The following TBC1D19 variants were observed in gnomAD, a reference collection of about 807,000 sequenced individuals.
TBC1D19 encodes the protein TBC1 domain family member 19.
In TBC1D19, 60 loss-of-function variants were observed where a neutral mutation model predicts 89.0. The observed-to-expected ratio is 0.67, with a 90% confidence interval of 0.55 to 0.84. The LOEUF (loss-of-function observed/expected upper bound fraction) is 0.84, where lower values mean the gene tolerates loss of function less well. Ranked by LOEUF, TBC1D19 falls within the 40% of genes least tolerant of loss-of-function variation. TBC1D19 has a pLI of 0.00. For missense variants in TBC1D19, 500 were observed against 610.8 expected, an observed-to-expected ratio of 0.82 and a Z score of 1.91; for synonymous variants, 189 against 199.7, an observed-to-expected ratio of 0.95 and a Z score of 0.45.
chr4:26,610,930 G>A lies in TBC1D19; in HGVS notation c.100-2239G>A, dbSNP rs1432157193. Among the ~76,000 whole-genome samples, 6 of 152,104 alleles carry A rather than the reference G, an allele frequency of 3.9e-5. No individual in the cohort carries two copies. The East Asian group carries it at 5.8e-4, about 15-fold the overall frequency. On this transcript the variant is annotated intron_variant, in intron 1 of 20. Transcript: ENST00000264866. Reference sequence around the variant, plus strand: ...ACATAGGCATGCGTATGTCTTTACGGTAGAATGATTTATATTCCTTTGGAT... The same window carrying A: ...ACATAGGCATGCGTATGTCTTTACGATAGAATGATTTATATTCCTTTGGAT...
chr4:26,786,802 T>G, the TBC1D19 span, among the ~76,000 whole-genome samples: 1 of 151,122 alleles, frequency 6.6e-6, no homozygotes, highest in East Asian at 2.0e-4. Context: ...GATGGGTGGG[T>G]GGAAGGATGG....
the TBC1D19 span, among the ~76,000 whole-genome samples, chr4:26,840,551 T>A: frequency 1.3e-5 from 2 of 152,174 alleles, no homozygotes; most frequent in Non-Finnish European, 2.9e-5. Context: ...ATTTTTCTGC[T>A]GTTCCCCTGG....
Position 26,688,275 on chromosome 4 carries a change from A to G in TBC1D19, c.892-70A>G, listed in dbSNP as rs962458887. The G allele has an allele frequency of 3.4e-6, 5 of 1,469,238 alleles. No individual in the cohort carries two copies. In the African/African-American group the frequency reaches 4.4e-5, roughly 13 times the overall value. 91.0% of individuals were successfully genotyped at this position (1,469,238 alleles called of 1,614,324 possible). The stretch of plus-strand genomic sequence containing the variant: ...TTATTGCAGTAGTGCTTCTAAATAC[A>G]TGTGTATGCTTTAGTACTACAGACA... On this transcript the variant is annotated intron_variant, in intron 12 of 20. Transcript: ENST00000264866.
chr4:26,716,247 G>A (rs547052255), intron 13 of TBC1D19, among the ~76,000 whole-genome samples: 89 of 152,122 alleles, frequency 5.9e-4, no homozygotes, highest in Non-Finnish European at 1.0e-3. Flanking sequence ...GGCAGAAGAA[G>A]AGAATTAGTG....
the TBC1D19 span, among the ~76,000 whole-genome samples, chr4:26,794,875 C>T: frequency 6.6e-6 from 1 of 152,256 alleles, no homozygotes; most frequent in Admixed American, 6.5e-5. Context: ...CAAATATATC[C>T]AGAATGTTCC....
At chr4:26,721,533 G>A (rs748711692) in intron 15 of TBC1D19, among the ~76,000 whole-genome samples, 45 of 151,972 alleles carry the variant, frequency 3.0e-4, no homozygotes, top group Non-Finnish European at 5.7e-4. Context: ...CCATCTAACT[G>A]GTCCCTCTTC....
intron 15 of TBC1D19, among the ~76,000 whole-genome samples, chr4:26,724,145 C>T (rs1166620484): frequency 6.6e-6 from 1 of 152,158 alleles, no homozygotes; most frequent in Non-Finnish European, 1.5e-5. Flanking sequence ...ACCAAGATGG[C>T]CAGTGTGACT....
At chr4:26,711,972 A>C (rs573703836) in intron 13 of TBC1D19, among the ~76,000 whole-genome samples, 1 of 152,026 alleles carries the variant, frequency 6.6e-6, no homozygotes, top group Non-Finnish European at 1.5e-5. Flanking sequence ...TCCTTAGAGC[A>C]GTCTCAGATA....
chr4:26,656,036 A>G (rs1744779926), intron 7 of TBC1D19, among the ~76,000 whole-genome samples: 1 of 151,834 alleles, frequency 6.6e-6, no homozygotes, highest in Admixed American at 6.6e-5. Context: ...TAGATTCCTA[A>G]TAGTTTTTTT....
intron 13 of TBC1D19, among the ~76,000 whole-genome samples, chr4:26,704,795 A>G (rs1205838473): frequency 6.6e-6 from 1 of 152,140 alleles, no homozygotes; most frequent in Non-Finnish European, 1.5e-5. Context: ...ATAGAAATAT[A>G]ATATTATAAG....
the TBC1D19 span, among the ~76,000 whole-genome samples, chr4:26,811,935 A>G: frequency 3.3e-5 from 5 of 151,928 alleles, no homozygotes; most frequent in African/African-American, 1.2e-4. Flanking sequence ...TCTTGTGCCA[A>G]CCTCCTAACT....
intron 16 of TBC1D19, among the ~76,000 whole-genome samples, chr4:26,739,327 C>A (rs967618750): frequency 6.6e-6 from 1 of 152,000 alleles, no homozygotes; most frequent in African/African-American, 2.4e-5. Flanking sequence ...GGGGATATAG[C>A]GATAAAGACC....
At chr4:26,733,675 A>G (rs945839657) in intron 15 of TBC1D19, among the ~76,000 whole-genome samples, 1 of 152,238 alleles carries the variant, frequency 6.6e-6, no homozygotes, top group Non-Finnish European at 1.5e-5. Context: ...ATACTTATCA[A>G]ATTTTTCAGT....
chr4:26,771,469 C>A, the TBC1D19 span, among the ~76,000 whole-genome samples: 4 of 152,070 alleles, frequency 2.6e-5, no homozygotes, highest in African/African-American at 9.7e-5. Flanking sequence ...TATATACATA[C>A]AATGGAATAT....
At chr4:26,654,985 T>G (rs536651556) in intron 7 of TBC1D19, among the ~76,000 whole-genome samples, 2 of 152,336 alleles carry the variant, frequency 1.3e-5, no homozygotes, top group Admixed American at 6.5e-5. Context: ...TGCTCTGTTT[T>G]TTCCCCATGT....
At chr4:26,714,498 G>GT (rs1162067385) in intron 13 of TBC1D19, among the ~76,000 whole-genome samples, 1 of 151,922 alleles carries the variant, frequency 6.6e-6, no homozygotes, top group Non-Finnish European at 1.5e-5. Context: ...CATTTTTGCT[G>GT]TTTCTTCACT....
intron 7 of TBC1D19, among the ~76,000 whole-genome samples, chr4:26,650,185 GTC>G (rs1412837005): frequency 6.6e-6 from 1 of 152,008 alleles, no homozygotes; most frequent in Non-Finnish European, 1.5e-5. Flanking sequence ...GTGTGCATGT[GTC>G]TTTATAGCAG....
In TBC1D19 at chr4:26,711,834, C is replaced by T. The variant is rs571446917; in HGVS notation, c.955-6099C>T. Among the ~76,000 whole-genome samples the T allele has an allele frequency of 1.3e-5, 2 of 152,136 alleles. 1 individual carries two copies. The highest frequency in any genetic ancestry group is 4.1e-4 in the South Asian group (2 of 4,832). ...CATACAGATACAAAAATTAGAATCT[C>T]AGAAGTTAAAACAACTCAGGTTAGA... On this transcript the variant is annotated intron_variant, in intron 13 of 20. Coordinates refer to ENST00000264866, the MANE Select transcript of TBC1D19 (RefSeq NM_018317.4).
At chr4:26,578,723 T>C (rs1739016308) in intron 1 of TBC1D19, among the ~76,000 whole-genome samples, 1 of 152,142 alleles carries the variant, frequency 6.6e-6, no homozygotes, top group Non-Finnish European at 1.5e-5. Context: ...CTAGAGGAAG[T>C]GCCTAGAAAA....
Sources: gnomAD v4.1 joint callset for allele counts (sites outside exome capture counted in the v4.1 genomes callset) on GRCh38, gnomAD v4.1.1 for gene constraint, MANE v1.5 for transcripts, NCBI Gene and HGNC (gene_info 2026-07-23, HGNC 2026-07-21) for gene names.